CCDC83: variants seen among roughly 807,000 people sequenced by gnomAD.
The protein encoded by CCDC83 is coiled-coil domain containing 83.
Under a neutral mutation model 50.1 loss-of-function variants are expected in CCDC83, and 54 were observed. The observed-to-expected ratio is 1.08, with a 90% CI of 0.87 to 1.35. The LOEUF (loss-of-function observed/expected upper bound fraction) is 1.35, where lower values mean the gene tolerates loss of function less well. Among genes scored for constraint, CCDC83 ranks in the 40% most tolerant of loss-of-function variants. The pLI is 0.00. For synonymous variants in CCDC83, 161 were observed against 153.3 expected (o/e 1.05, Z -0.37); for missense variants, 518 against 473.9 (o/e 1.09, Z -0.86).
chr11:85,879,309 G>C (rs2093285815), intron 3 of CCDC83, among the ~76,000 whole-genome samples: 1 of 152,038 alleles, frequency 6.6e-6, no homozygotes, highest in African/African-American at 2.4e-5. Flanking sequence ...TTGTGTATAA[G>C]GTGTGAGGCT....
chr11:85,873,952 C>A (rs2093254841), intron 3 of CCDC83, among the ~76,000 whole-genome samples: 1 of 152,156 alleles, frequency 6.6e-6, no homozygotes, highest in East Asian at 1.9e-4. Context: ...ACTTTCACAG[C>A]TAACTGTTTT....
chr11:85,916,118 A>C lies in CCDC83; in HGVS notation c.965A>C (p.Glu322Ala). Reference protein sequence around the residue: ...DESTILHLSHENSIEDLQYVK... With the variant: ...DESTILHLSHANSIEDLQYVK... Reference sequence around the variant, plus strand: ...AGCACTATCTTACATCTTAGTCATGAAAATAGCATCGAAGATCTCCAGTAT... The same window carrying C: ...AGCACTATCTTACATCTTAGTCATGCAAATAGCATCGAAGATCTCCAGTAT... The change falls in exon 10 of 11, where the codon GAA (glutamate) becomes GCA (alanine). Residue 322 changes from glutamate to alanine, a missense_variant. Physicochemically the swap from Glu to Ala is moderately radical, Grantham distance 107. Coordinates refer to ENST00000342404, the MANE Select transcript of CCDC83 (RefSeq NM_001286159.2). 6.2e-7 allele frequency: 1 copy of C among 1,613,376 alleles called. No homozygotes were observed. Among genetic ancestry groups the C allele is most frequent in the Non-Finnish European group, 8.5e-7 (1 of 1,179,402 alleles).
intron 3 of CCDC83, among the ~76,000 whole-genome samples, chr11:85,875,619 T>A (rs998951771): frequency 3.3e-5 from 5 of 152,346 alleles, no homozygotes; most frequent in Admixed American, 2.0e-4. Flanking sequence ...CAGTCTTACT[T>A]CTTTGTTTCT....
chr11:85,878,140 T>G (rs1566075392), intron 3 of CCDC83, among the ~76,000 whole-genome samples: 1 of 152,202 alleles, frequency 6.6e-6, no homozygotes, highest in East Asian at 1.9e-4. Context: ...ATAGATTAAC[T>G]TATAGTTATA....
intron 2 of CCDC83, among the ~76,000 whole-genome samples, chr11:85,872,015 T>A (rs2093240250): frequency 6.6e-6 from 1 of 152,142 alleles, no homozygotes; most frequent in Non-Finnish European, 1.5e-5. Flanking sequence ...TGCAGTGGCA[T>A]GATCTTGGTT....
At chr11:85,892,402 A>G (rs1033755607) in intron 5 of CCDC83, among the ~76,000 whole-genome samples, 1 of 152,228 alleles carries the variant, frequency 6.6e-6, no homozygotes, top group Non-Finnish European at 1.5e-5. Context: ...CACAGAGGCT[A>G]ACAATGAGAT....
rs79318741 is a variant in CCDC83, at chr11:85,858,011, G to C, written c.-29+2427G>C. ...TTGACATGGAGATTGATGTCAAGTG[G>C]CTCAACAAGAATACTGTGGAGAGAG... On this transcript the variant is annotated intron_variant, in intron 1 of 10. Transcript: ENST00000342404. 3.9e-3 allele frequency among the ~76,000 whole-genome samples: 594 copies of C among 152,304 alleles called. 8 individuals are homozygous for C. Among genetic ancestry groups the C allele is most frequent in the African/African-American group, 0.014 (563 of 41,552 alleles).
chr11:85,861,002 A>G (rs903306494), intron 1 of CCDC83, among the ~76,000 whole-genome samples: 1 of 152,244 alleles, frequency 6.6e-6, no homozygotes, highest in Non-Finnish European at 1.5e-5. Flanking sequence ...TGGGGAAAAA[A>G]AAAAGTACAA....
chr11:85,917,150 GA>G (rs2093481385), intron 10 of CCDC83, among the ~76,000 whole-genome samples: 1 of 76,522 alleles, frequency 1.3e-5, no homozygotes, highest in African/African-American at 5.0e-5. Context: ...GAGAGAGAGA[GA>G]GAGAGAGAGA....
intron 7 of CCDC83, among the ~76,000 whole-genome samples, chr11:85,908,798 C>A (rs1045454601): frequency 6.6e-6 from 1 of 151,694 alleles, no homozygotes; most frequent in African/African-American, 2.4e-5. Context: ...ACTGCAGTTT[C>A]GCTACTCAGG....
chr11:85,865,898 CG>C (rs2093204167), intron 2 of CCDC83, among the ~76,000 whole-genome samples: 1 of 135,804 alleles, frequency 7.4e-6, no homozygotes. Flanking sequence ...GGTTCCATCT[CG>C]AAAAAAAAAA....
intron 2 of CCDC83, among the ~76,000 whole-genome samples, chr11:85,866,844 G>C (rs1003469005): frequency 6.6e-6 from 1 of 152,172 alleles, no homozygotes; most frequent in Non-Finnish European, 1.5e-5. Context: ...ACTCAGAGCA[G>C]TGAAGAGCAT....
chr11:85,864,248 G>C (rs1483911633), intron 1 of CCDC83, among the ~76,000 whole-genome samples: 1 of 152,120 alleles, frequency 6.6e-6, no homozygotes, highest in Non-Finnish European at 1.5e-5. Context: ...AATTACAAAG[G>C]TTATATTTTA....
At chr11:85,912,223 C>T (rs2093457832) in intron 8 of CCDC83, among the ~76,000 whole-genome samples, 1 of 152,148 alleles carries the variant, frequency 6.6e-6, no homozygotes, top group African/African-American at 2.4e-5. Flanking sequence ...CCAGGAAAAA[C>T]TTTCCACACA....
At chr11:85,902,241 C>T (rs2093405861) in intron 7 of CCDC83, among the ~76,000 whole-genome samples, 1 of 152,018 alleles carries the variant, frequency 6.6e-6, no homozygotes, top group African/African-American at 2.4e-5. Flanking sequence ...TTTTCAATAG[C>T]AAAGTTCAGA....
chr11:85,902,723 G>T, intron 7 of CCDC83, among the ~76,000 whole-genome samples: 1 of 152,016 alleles, frequency 6.6e-6, no homozygotes. Context: ...GTATACTCAG[G>T]GGATTTGTTC....
intron 7 of CCDC83, among the ~76,000 whole-genome samples, chr11:85,901,855 C>T (rs544774464): frequency 6.9e-6 from 1 of 145,636 alleles, no homozygotes; most frequent in East Asian, 2.0e-4. Flanking sequence ...ATAGCAAGAT[C>T]CCGGCTCTAC....
intron 3 of CCDC83, among the ~76,000 whole-genome samples, chr11:85,879,591 A>G (rs2093287896): frequency 6.6e-6 from 1 of 152,088 alleles, no homozygotes. Context: ...TACATAAAGT[A>G]AAATTTGATA....
rs1369611830 is a variant in CCDC83 at position 85,917,184 on chromosome 11, GAA to G, written c.1080+953_1080+954del. 8.7e-5 allele frequency among the ~76,000 whole-genome samples: 9 copies of G among 103,206 alleles called. No individual in the cohort carries two copies. The South Asian group carries it at 2.2e-3, about 25-fold the overall frequency. 67.7% of individuals were successfully genotyped at this position (103,206 alleles called of 152,430 possible). Reference sequence around the variant, plus strand: ...AGAGAGAGAGAAAGAAAGAAAGAAAGAAAGAAAGAGAAAGAAAGAAAGAAGGA... The same window carrying G: ...AGAGAGAGAGAAAGAAAGAAAGAAAGAGAAAGAGAAAGAAAGAAAGAAGGA... On this transcript the variant is annotated intron_variant, in intron 10 of 10. Transcript: ENST00000342404.
Sources: gnomAD v4.1 joint callset for allele counts (sites outside exome capture counted in the v4.1 genomes callset) on GRCh38, gnomAD v4.1.1 for gene constraint, MANE v1.5 for transcripts, NCBI Gene and HGNC (gene_info 2026-07-23, HGNC 2026-07-21) for gene names.